DLGAP1: variants seen among roughly 807,000 people sequenced by gnomAD.
DLGAP1 encodes disks large-associated protein 1.
DLGAP1 carries 11 observed loss-of-function variants against 90.8 expected under a neutral mutation model. That is an observed-to-expected ratio of 0.12 (90% CI 0.08 to 0.20). DLGAP1 has a LOEUF of 0.20. DLGAP1 is among the 10% of genes least tolerant of loss of function. The probability of loss-of-function intolerance (pLI) is 1.00; values close to 1 mark genes in which losing one functional copy is unlikely to be tolerated. For missense variants in DLGAP1, 1,050 were observed against 1,333.8 expected (o/e 0.79, Z 3.31); for synonymous variants, 558 against 540.7 (o/e 1.03, Z -0.44).
chr18:4,221,466 A>C (rs554044487), intron 1 of DLGAP1, among the ~76,000 whole-genome samples: 1 of 152,212 alleles, frequency 6.6e-6, no homozygotes, highest in Non-Finnish European at 1.5e-5. Context: ...CTCATCAATA[A>C]AATATATATG....
chr18:4,431,611 A>G (rs2083286139), intron 1 of DLGAP1, among the ~76,000 whole-genome samples: 1 of 152,232 alleles, frequency 6.6e-6, no homozygotes, highest in Admixed American at 6.5e-5. Flanking sequence ...AAAAGACACC[A>G]TATGTTAATC....
Position 3,857,009 on chromosome 18 carries a change from C to T in DLGAP1, c.957+22103G>A, listed in dbSNP as rs143464523. Reference sequence around the variant, plus strand: ...ATACAGCTGATTATTTAGTATAATGCTACATCCATAGAGGACTTCAGTATG... The same window carrying T: ...ATACAGCTGATTATTTAGTATAATGTTACATCCATAGAGGACTTCAGTATG... On this transcript the variant is annotated intron_variant, in intron 4 of 12. Transcript: ENST00000315677. 7.0e-3 allele frequency among the ~76,000 whole-genome samples: 1,057 copies of T among 152,076 alleles called. 12 individuals carry two copies. Among genetic ancestry groups the T allele is most frequent in the African/African-American group, 0.022 (900 of 41,472 alleles).
chr18:4,327,154 T>C (rs1197202447), intron 1 of DLGAP1, among the ~76,000 whole-genome samples: 2 of 152,102 alleles, frequency 1.3e-5, no homozygotes, highest in Non-Finnish European at 1.5e-5. Context: ...GCACAGCATG[T>C]TGACCATAAT....
At chr18:4,230,348 C>CT (rs2145046854) in intron 1 of DLGAP1, among the ~76,000 whole-genome samples, 1 of 152,154 alleles carries the variant, frequency 6.6e-6, no homozygotes, top group Non-Finnish European at 1.5e-5. Flanking sequence ...CCCGTGTTTA[C>CT]TGCAGCACTG....
intron 2 of DLGAP1, among the ~76,000 whole-genome samples, chr18:4,095,340 A>G (rs1398182574): frequency 6.6e-6 from 1 of 152,066 alleles, no homozygotes; most frequent in East Asian, 1.9e-4. Flanking sequence ...GCTGAGAGGG[A>G]GATTTATAGA....
intron 2 of DLGAP1, among the ~76,000 whole-genome samples, chr18:4,046,708 T>C (rs2075060118): frequency 6.6e-6 from 1 of 152,262 alleles, no homozygotes; most frequent in East Asian, 1.9e-4. Context: ...ACATCACTAG[T>C]AATCAAAGGA....
chr18:4,113,317 T>C (rs1303634072), intron 2 of DLGAP1, among the ~76,000 whole-genome samples: 1 of 152,186 alleles, frequency 6.6e-6, no homozygotes, highest in Non-Finnish European at 1.5e-5. Flanking sequence ...TGGTGTGAGA[T>C]GGTATCTCAT....
At chr18:3,551,076 T>C (rs2053378704) in intron 9 of DLGAP1, among the ~76,000 whole-genome samples, 1 of 151,838 alleles carries the variant, frequency 6.6e-6, no homozygotes, top group South Asian at 2.1e-4. Flanking sequence ...GCCTCCAAAC[T>C]GGGAGAAAAT....
At chr18:4,343,269 T>C (rs918216129) in intron 1 of DLGAP1, among the ~76,000 whole-genome samples, 3 of 147,524 alleles carry the variant, frequency 2.0e-5, no homozygotes, top group African/African-American at 5.0e-5. Context: ...ATCGTGCCAC[T>C]GCACTCCAGC....
intron 1 of DLGAP1, among the ~76,000 whole-genome samples, chr18:4,271,763 C>A (rs2079289809): frequency 6.6e-6 from 1 of 152,126 alleles, no homozygotes; most frequent in Non-Finnish European, 1.5e-5. Flanking sequence ...TTTAACCCAC[C>A]TATTTCCCTT....
At chr18:4,255,542 T>TAGTC (rs963894146) in intron 1 of DLGAP1, among the ~76,000 whole-genome samples, 1 of 150,978 alleles carries the variant, frequency 6.6e-6, no homozygotes, top group African/African-American at 2.4e-5. Context: ...TTTCCAACTG[T>TAGTC]AGTCATTAGT....
At chr18:4,060,356 T>C (rs1249009132) in intron 2 of DLGAP1, among the ~76,000 whole-genome samples, 1 of 152,228 alleles carries the variant, frequency 6.6e-6, no homozygotes, top group Non-Finnish European at 1.5e-5. Flanking sequence ...AGGTTAACAC[T>C]GCTTTAGGGT....
At chr18:4,005,799 A>C (rs1023891615) in intron 2 of DLGAP1, among the ~76,000 whole-genome samples, 13 of 151,670 alleles carry the variant, frequency 8.6e-5, no homozygotes, top group African/African-American at 2.9e-4. Flanking sequence ...CCAGTTTCTC[A>C]CTCTCTAACC....
At chr18:4,183,369 C>T (rs1319105723) in intron 1 of DLGAP1, among the ~76,000 whole-genome samples, 1 of 151,916 alleles carries the variant, frequency 6.6e-6, no homozygotes, top group East Asian at 1.9e-4. Flanking sequence ...GAGAGATATA[C>T]CAGGATTTCA....
chr18:3,871,529 A>G (rs539184599), intron 4 of DLGAP1, among the ~76,000 whole-genome samples: 5 of 152,302 alleles, frequency 3.3e-5, no homozygotes, highest in African/African-American at 1.2e-4. Context: ...TAAGGAGAGC[A>G]AAAGTCATTT....
intron 1 of DLGAP1, among the ~76,000 whole-genome samples, chr18:4,189,978 A>G (rs1169866749): frequency 6.6e-6 from 1 of 152,142 alleles, no homozygotes; most frequent in Admixed American, 6.6e-5. Context: ...TTTAGAAGAC[A>G]GCCTAGCAGT....
intron 2 of DLGAP1, among the ~76,000 whole-genome samples, chr18:4,028,464 A>G (rs59040781): frequency 0.22 from 32,736 of 152,156 alleles, 3,954 homozygotes; most frequent in African/African-American, 0.28. Context: ...CACAGGGCAC[A>G]TCACGCCAAA....
At chr18:4,432,248 G>C (rs566183312) in intron 1 of DLGAP1, among the ~76,000 whole-genome samples, 1 of 152,248 alleles carries the variant, frequency 6.6e-6, no homozygotes, top group Non-Finnish European at 1.5e-5. Context: ...ATGTTGAAAT[G>C]AGAATGTGCA....
intron 7 of DLGAP1, chr18:3,608,335 AAGAT>A (rs200629306): frequency 0.36 from 53,868 of 149,738 alleles, 9,728 homozygotes; most frequent in Middle Eastern, 0.45. Flanking sequence ...AAAAAAAAAA[AAGAT>A]GAGCTCACAC....
Sources: allele counts gnomAD v4.1 joint callset (sites outside exome capture counted in the v4.1 genomes callset), GRCh38; gene constraint gnomAD v4.1.1; transcripts MANE v1.5; gene names NCBI Gene and HGNC (gene_info 2026-07-23, HGNC 2026-07-21).